The following C8orf34 variants were observed in gnomAD, a reference collection of about 807,000 sequenced individuals.
C8orf34 encodes the protein uncharacterized protein C8orf34.
A neutral mutation model predicts 68.3 loss-of-function variants in C8orf34; 65 were observed. That is an observed-to-expected ratio of 0.95 (90% CI 0.78 to 1.17). The LOEUF (loss-of-function observed/expected upper bound fraction) is 1.17, where lower values mean the gene tolerates loss of function less well. C8orf34 is among the 50% of genes most tolerant of loss of function. The pLI, the probability that C8orf34 is intolerant of heterozygous loss-of-function variation, is 0.00. For synonymous variants in C8orf34, 244 were observed against 241.2 expected, an observed-to-expected ratio of 1.01 and a Z score of -0.11; for missense variants, 664 against 655.4, an observed-to-expected ratio of 1.01 and a Z score of -0.14.
At chr8:68,793,389 A>G (rs1824071227) in intron 12 of C8orf34, among the ~76,000 whole-genome samples, 2 of 152,214 alleles carry the variant, frequency 1.3e-5, no homozygotes, top group Non-Finnish European at 2.9e-5. Context: ...GTAGAAAAAT[A>G]GTTGATTCCA....
At chr8:68,426,538 A>AAAAG (rs1563429132) in intron 1 of C8orf34, among the ~76,000 whole-genome samples, 1 of 149,852 alleles carries the variant, frequency 6.7e-6, no homozygotes. Flanking sequence ...AAAAAAAAAA[A>AAAAG]AAAGAAAACA....
intron 9 of C8orf34, among the ~76,000 whole-genome samples, chr8:68,714,028 T>G (rs1821400070): frequency 6.6e-6 from 1 of 151,920 alleles, no homozygotes; most frequent in Admixed American, 6.6e-5. Flanking sequence ...TAAACAGAAT[T>G]AAAAACAAAT....
chr8:68,330,386 T>C (rs1213480348), upstream of C8orf34, among the ~76,000 whole-genome samples: 3 of 152,008 alleles, frequency 2.0e-5, no homozygotes, highest in Non-Finnish European at 4.4e-5. Flanking sequence ...CTTTGAGAGT[T>C]TTCAGCTGGG....
intron 1 of C8orf34, among the ~76,000 whole-genome samples, chr8:68,365,678 C>G (rs1304888297): frequency 1.4e-5 from 1 of 73,214 alleles, no homozygotes; most frequent in Non-Finnish European, 2.5e-5. Context: ...CAGAAAAAAC[C>G]TTTGACAAAA....
intron 10 of C8orf34, among the ~76,000 whole-genome samples, chr8:68,771,512 G>A (rs1823334388): frequency 2.0e-5 from 3 of 152,078 alleles, no homozygotes; most frequent in African/African-American, 7.2e-5. Context: ...TATAATTGGT[G>A]CTCTTCATTG....
intron 13 of C8orf34, among the ~76,000 whole-genome samples, chr8:68,817,224 G>C (rs1054410716): frequency 2.6e-5 from 4 of 152,126 alleles, no homozygotes; most frequent in African/African-American, 9.7e-5. Context: ...CGCTGATGGT[G>C]ATTATAGAAG....
chr8:68,475,081 C>A (rs1053251510), intron 4 of C8orf34, among the ~76,000 whole-genome samples: 3 of 152,150 alleles, frequency 2.0e-5, no homozygotes, highest in Non-Finnish European at 2.9e-5. Flanking sequence ...TCTTTATGCA[C>A]CGCACTCCCT....
chr8:68,379,736 C>T (rs1172453502), intron 1 of C8orf34, among the ~76,000 whole-genome samples: 1 of 152,172 alleles, frequency 6.6e-6, no homozygotes, highest in African/African-American at 2.4e-5. Context: ...CAGTGTAGGC[C>T]ACTTTGTAGA....
intron 9 of C8orf34, among the ~76,000 whole-genome samples, chr8:68,711,127 A>G (rs1174377499): frequency 1.3e-5 from 2 of 152,156 alleles, no homozygotes; most frequent in Non-Finnish European, 2.9e-5. Flanking sequence ...GGAGAACACA[A>G]CATCAGGGGA....
At chr8:68,580,435 T>A (rs966092630) in intron 7 of C8orf34, among the ~76,000 whole-genome samples, 2 of 152,138 alleles carry the variant, frequency 1.3e-5, no homozygotes, top group Non-Finnish European at 1.5e-5. Flanking sequence ...AGATTTGGGT[T>A]TTTTAACTTA....
chr8:68,538,944 T>G (rs1263139540), intron 7 of C8orf34, among the ~76,000 whole-genome samples: 1 of 152,066 alleles, frequency 6.6e-6, no homozygotes, highest in African/African-American at 2.4e-5. Flanking sequence ...AGGAATAAGG[T>G]GGAAAGACAA....
At chr8:68,390,277 T>C (rs1808428417) in intron 1 of C8orf34, among the ~76,000 whole-genome samples, 1 of 152,128 alleles carries the variant, frequency 6.6e-6, no homozygotes, top group Admixed American at 6.5e-5. Flanking sequence ...ATGTCTGAGT[T>C]GAATTCCATG....
chr8:68,678,004 A>G (rs1440397707), intron 8 of C8orf34, among the ~76,000 whole-genome samples: 2 of 152,178 alleles, frequency 1.3e-5, no homozygotes, highest in Non-Finnish European at 2.9e-5. Context: ...AAACTCCTAG[A>G]CACATACAAC....
At chr8:68,734,016 TA>T (rs1361594787) in intron 10 of C8orf34, among the ~76,000 whole-genome samples, 2 of 152,196 alleles carry the variant, frequency 1.3e-5, no homozygotes, top group African/African-American at 4.8e-5. Context: ...CAAGTTTCAC[TA>T]ATTTTTTTTA....
At chr8:68,666,406 C>A (rs1480948899) in intron 8 of C8orf34, among the ~76,000 whole-genome samples, 2 of 152,170 alleles carry the variant, frequency 1.3e-5, no homozygotes, top group Non-Finnish European at 2.9e-5. Flanking sequence ...TTGGAGTGGA[C>A]AACCTAAGTA....
chr8:68,375,739 C>T (rs967225961), intron 1 of C8orf34, among the ~76,000 whole-genome samples: 30 of 152,204 alleles, frequency 2.0e-4, no homozygotes, highest in African/African-American at 6.5e-4. Flanking sequence ...CCTTGACCTA[C>T]TGTACTCTAG....
intron 7 of C8orf34, among the ~76,000 whole-genome samples, chr8:68,593,301 G>T: frequency 6.6e-6 from 1 of 151,972 alleles, no homozygotes; most frequent in Non-Finnish European, 1.5e-5. Context: ...TTAACTTATT[G>T]AGTATTTTTA....
chr8:68,601,841 T>A (rs1208701152), intron 7 of C8orf34, among the ~76,000 whole-genome samples: 1 of 152,184 alleles, frequency 6.6e-6, no homozygotes, highest in Non-Finnish European at 1.5e-5. Flanking sequence ...ATTAAAATAT[T>A]TGAGGTGGAA....
chr8:68,596,315 C>T (rs1817544822), intron 7 of C8orf34, among the ~76,000 whole-genome samples: 2 of 151,914 alleles, frequency 1.3e-5, no homozygotes, highest in Admixed American at 1.3e-4. Context: ...TCCTCAGATA[C>T]TTCATTTCCT....
Sources: gnomAD v4.1 joint callset for allele counts (sites outside exome capture counted in the v4.1 genomes callset) on GRCh38, gnomAD v4.1.1 for gene constraint, MANE v1.5 for transcripts, NCBI Gene and HGNC (gene_info 2026-07-23, HGNC 2026-07-21) for gene names.